The following GSDMC variants were observed in gnomAD, a reference collection of about 807,000 sequenced individuals.
GSDMC encodes the protein gasdermin C.
Under a neutral mutation model 58.0 loss-of-function variants are expected in GSDMC, and 59 were observed. The ratio of observed to expected loss-of-function variants is 1.02; its 90% CI spans 0.82 to 1.26. GSDMC has a LOEUF of 1.26. GSDMC is among the 50% of genes most tolerant of loss of function. The pLI is 0.00. For missense variants in GSDMC, 659 were observed against 598.5 expected (o/e 1.10, Z -1.06); for synonymous variants, 241 against 220.2 (o/e 1.09, Z -0.83).
intron 1 of GSDMC, among the ~76,000 whole-genome samples, chr8:129,778,183 C>A (rs150891332): frequency 2.6e-5 from 4 of 152,040 alleles, no homozygotes; most frequent in African/African-American, 9.7e-5. Flanking sequence ...GGAGGCAGGG[C>A]ATAAACAATG....
At position 129,765,793 on chromosome 8, in the gene GSDMC, CCTG is replaced by C. The variant is rs1344177614; in HGVS notation, c.405-3_405-1del. The C allele has an allele frequency of 6.2e-7, 1 of 1,612,720 alleles. No individual in the cohort carries two copies. Among genetic ancestry groups the C allele is most frequent in the African/African-American group, 1.3e-5 (1 of 74,882 alleles). On this transcript the variant is annotated splice_acceptor_variant and splice_polypyrimidine_tract_variant and intron_variant, in intron 3 of 13. Coordinates refer to ENST00000276708, the MANE Select transcript of GSDMC (RefSeq NM_031415.3). LOFTEE classifies it high-confidence loss of function. ...ATGATGGCTCTGGATCCAACAGTTT[CCTG>C]GGGATTTAAGGAAGGAGGACAAGAG...
the GSDMC span, among the ~76,000 whole-genome samples, chr8:129,709,556 A>ATGG: frequency 1.8e-3 from 268 of 151,018 alleles, no homozygotes; most frequent in East Asian, 4.9e-3. Context: ...TAATAGATAG[A>ATGG]TAGATGGTAG....
Position 129,750,500 on chromosome 8 carries a change from C to T in GSDMC, c.1014G>A (p.Gln338=). 1.9e-6 allele frequency: 3 copies of T among 1,613,924 alleles called. No individual in the cohort carries two copies. The change falls in exon 11 of 14, where the codon CAG becomes CAA. Residue 338 remains glutamine (Q), a synonymous_variant. Coordinates refer to ENST00000276708, the MANE Select transcript of GSDMC (RefSeq NM_031415.3). ...KTLAQLSKDV[Q]DVMFYSILAM... ...CCAGGATACTGTAGAACATGACATC[C>T]TGAACATCCTTTGAGAGCTGAGCCA...
At chr8:129,738,434 A>G in the GSDMC span, among the ~76,000 whole-genome samples, 29 of 152,386 alleles carry the variant, frequency 1.9e-4, 1 homozygote, top group South Asian at 6.0e-3. Context: ...GACTGGATTA[A>G]GAAAATGTGG....
At chr8:129,753,818 C>T (rs1486141199) in intron 6 of GSDMC, among the ~76,000 whole-genome samples, 3 of 152,092 alleles carry the variant, frequency 2.0e-5, no homozygotes, top group African/African-American at 7.2e-5. Context: ...CAAGCTGACT[C>T]ATGAGCCCTT....
chr8:129,747,439 T>G (rs1024400073), downstream of GSDMC, among the ~76,000 whole-genome samples: 1 of 152,092 alleles, frequency 6.6e-6, no homozygotes, highest in Non-Finnish European at 1.5e-5. Flanking sequence ...TGTTTAAAAG[T>G]GAAGACATGA....
chr8:129,766,103 A>T (rs1317334162), intron 3 of GSDMC, among the ~76,000 whole-genome samples: 2 of 152,216 alleles, frequency 1.3e-5, no homozygotes, highest in Non-Finnish European at 2.9e-5. Context: ...TCTCTCAGAA[A>T]AAAAAGGGCT....
intron 3 of GSDMC, among the ~76,000 whole-genome samples, chr8:129,766,154 AG>A (rs1431244486): frequency 2.6e-5 from 4 of 152,208 alleles, no homozygotes; most frequent in African/African-American, 7.2e-5. Flanking sequence ...AGTCTTTAGG[AG>A]GTCCTGTTGT....
the GSDMC span, among the ~76,000 whole-genome samples, chr8:129,713,463 A>C: frequency 6.6e-6 from 1 of 152,150 alleles, no homozygotes; most frequent in African/African-American, 2.4e-5. Flanking sequence ...GAAGACAGCC[A>C]CGCTTTGCCA....
chr8:129,733,428 C>T, the GSDMC span, among the ~76,000 whole-genome samples: 2 of 152,172 alleles, frequency 1.3e-5, no homozygotes, highest in Non-Finnish European at 1.5e-5. Flanking sequence ...ACTAACACCT[C>T]ATACAGGCGG....
chr8:129,750,682 C>A (rs777229754), intron 10 of GSDMC, 112 bp from the exon 11 acceptor site: 3 of 1,018,780 alleles, frequency 2.9e-6, no homozygotes, highest in South Asian at 3.1e-5. Flanking sequence ...CTATCCCTTT[C>A]AGCTGCTAAC....
chr8:129,753,700 C>A (rs1278440065), intron 6 of GSDMC, among the ~76,000 whole-genome samples: 2 of 152,192 alleles, frequency 1.3e-5, no homozygotes, highest in Non-Finnish European at 2.9e-5. Flanking sequence ...GCTCTTGGGG[C>A]CCTCAAGACC....
chr8:129,759,808 C>T (rs1364659109), intron 6 of GSDMC, among the ~76,000 whole-genome samples: 1 of 152,082 alleles, frequency 6.6e-6, no homozygotes, highest in Non-Finnish European at 1.5e-5. Context: ...TTTGGACCTT[C>T]CTCAAAAAAC....
At chr8:129,751,114 A>AAG (rs887272078) in intron 10 of GSDMC, among the ~76,000 whole-genome samples, 5 of 151,586 alleles carry the variant, frequency 3.3e-5, no homozygotes, top group Non-Finnish European at 5.9e-5. Context: ...TCAAAAAAAC[A>AAG]AGAGAGAGAG....
intron 3 of GSDMC, among the ~76,000 whole-genome samples, chr8:129,770,207 G>T (rs995520599): frequency 1.6e-4 from 25 of 152,188 alleles, no homozygotes; most frequent in African/African-American, 5.3e-4. Context: ...TGAAGGCCAG[G>T]CTCATGCCTC....
intron 3 of GSDMC, among the ~76,000 whole-genome samples, chr8:129,766,792 C>A (rs79063731): frequency 6.6e-6 from 1 of 152,074 alleles, no homozygotes; most frequent in African/African-American, 2.4e-5. Flanking sequence ...AGCTCTTCAA[C>A]GGGAAAAAGA....
At chr8:129,733,294 C>G in the GSDMC span, among the ~76,000 whole-genome samples, 1 of 152,266 alleles carries the variant, frequency 6.6e-6, no homozygotes, top group Admixed American at 6.5e-5. Flanking sequence ...TGTCTGACAG[C>G]TCTTAACAGA....
At chr8:129,733,063 G>A in the GSDMC span, among the ~76,000 whole-genome samples, 63 of 152,338 alleles carry the variant, frequency 4.1e-4, no homozygotes, top group African/African-American at 1.1e-3. Context: ...CACTGCTAGC[G>A]CAGCAATCTG....
At chr8:129,776,564 C>T (rs2034232980) in intron 2 of GSDMC, among the ~76,000 whole-genome samples, 1 of 152,154 alleles carries the variant, frequency 6.6e-6, no homozygotes, top group African/African-American at 2.4e-5. Context: ...CCAGAAGACC[C>T]CTGGGATCAT....
Sources: allele counts gnomAD v4.1 joint callset (sites outside exome capture counted in the v4.1 genomes callset), GRCh38; gene constraint gnomAD v4.1.1; transcripts MANE v1.5; gene names NCBI Gene and HGNC (gene_info 2026-07-23, HGNC 2026-07-21).